The following PPP1R12B variants were observed in gnomAD, a reference collection of about 807,000 sequenced individuals.
The protein encoded by PPP1R12B is myosin phosphatase target subunit 2.
A neutral mutation model predicts 126.1 loss-of-function variants in PPP1R12B; 76 were observed. The observed-to-expected ratio is 0.60, with a 90% confidence interval of 0.50 to 0.73. The LOEUF (loss-of-function observed/expected upper bound fraction) is 0.73. Among genes scored for constraint, PPP1R12B ranks in the 30% least tolerant of loss-of-function variants. The probability of loss-of-function intolerance (pLI) is 0.00; values close to 1 mark genes in which losing one functional copy is unlikely to be tolerated. For missense variants in PPP1R12B, 1,052 were observed against 1,205.1 expected (o/e 0.87, Z 1.88); for synonymous variants, 356 against 434.7 (o/e 0.82, Z 2.25).
intron 13 of PPP1R12B, among the ~76,000 whole-genome samples, chr1:202,463,851 A>C (rs1437131462): frequency 6.6e-6 from 1 of 152,198 alleles, no homozygotes; most frequent in Non-Finnish European, 1.5e-5. Context: ...CTCTGAATTC[A>C]GCCTACCCAG....
intron 22 of PPP1R12B, among the ~76,000 whole-genome samples, chr1:202,568,111 G>A (rs896300113): frequency 3.3e-5 from 5 of 151,964 alleles, no homozygotes; most frequent in African/African-American, 1.2e-4. Context: ...TTCTGACTGT[G>A]GGCAGAACTG....
At chr1:202,570,625 A>G (rs1023599340) in intron 23 of PPP1R12B, among the ~76,000 whole-genome samples, 4 of 152,222 alleles carry the variant, frequency 2.6e-5, no homozygotes, top group Non-Finnish European at 4.4e-5. Context: ...ATTTTTTTCA[A>G]ACGCACCTTA....
chr1:202,504,706 G>A (rs1443491061), intron 18 of PPP1R12B, among the ~76,000 whole-genome samples: 1 of 152,050 alleles, frequency 6.6e-6, no homozygotes, highest in African/African-American at 2.4e-5. Context: ...ATACTGTTAT[G>A]ACAAATAATA....
chr1:202,507,260 T>A (rs1388986433), intron 18 of PPP1R12B, among the ~76,000 whole-genome samples: 1 of 152,236 alleles, frequency 6.6e-6, no homozygotes, highest in Non-Finnish European at 1.5e-5. Context: ...GGTAACTATA[T>A]GATGCATCCA....
At chr1:202,500,827 C>T (rs942911194) in intron 18 of PPP1R12B, among the ~76,000 whole-genome samples, 1 of 152,036 alleles carries the variant, frequency 6.6e-6, no homozygotes, top group Admixed American at 6.5e-5. Context: ...CACTTCATAC[C>T]ACATAAATAC....
chr1:202,406,793 C>T (rs1458186755), intron 1 of PPP1R12B, among the ~76,000 whole-genome samples: 2 of 152,094 alleles, frequency 1.3e-5, no homozygotes, highest in Admixed American at 6.6e-5. Flanking sequence ...CTTAGTGTGT[C>T]TCAGCTCTTA....
rs537960354 is a variant in PPP1R12B, at chr1:202,464,690, A to G, written c.1850+15519A>G. Among the ~76,000 whole-genome samples, 6 of 152,240 alleles carry G rather than the reference A, an allele frequency of 3.9e-5. No individual in the cohort carries two copies. The South Asian group carries it at 1.2e-3, about 32-fold the overall frequency. On this transcript the variant is annotated intron_variant, in intron 13 of 23. Transcript: ENST00000608999. Reference sequence around the variant, plus strand: ...CTCTTGTTCAGTTTCTTACTCAGCTAATTGGTGGAGTTAGGAGATCTATAG... The same window carrying G: ...CTCTTGTTCAGTTTCTTACTCAGCTGATTGGTGGAGTTAGGAGATCTATAG...
chr1:202,489,616 A>G (rs1243282000), intron 14 of PPP1R12B, among the ~76,000 whole-genome samples: 1 of 152,234 alleles, frequency 6.6e-6, no homozygotes, highest in Non-Finnish European at 1.5e-5. Context: ...AACACTCCAT[A>G]TATTATATGA....
chr1:202,429,205 T>C (rs1669913700), intron 6 of PPP1R12B, among the ~76,000 whole-genome samples: 1 of 152,224 alleles, frequency 6.6e-6, no homozygotes, highest in Non-Finnish European at 1.5e-5. Flanking sequence ...ACCCTTGAGT[T>C]CTAGAAAATG....
chr1:202,399,507 T>A (rs1006496309), intron 1 of PPP1R12B, among the ~76,000 whole-genome samples: 12 of 151,930 alleles, frequency 7.9e-5, no homozygotes, highest in Non-Finnish European at 1.3e-4. Context: ...GCACCTTTTT[T>A]TTTTTTTGAA....
At chr1:202,439,514 T>C (rs903827025) in intron 10 of PPP1R12B, 9 of 1,534,472 alleles carry the variant, frequency 5.9e-6, no homozygotes, top group Non-Finnish European at 8.0e-6. Flanking sequence ...TTGGGGCGAC[T>C]GCTGTTGCCT....
At chr1:202,445,069 AC>A in intron 12 of PPP1R12B, 1 of 1,247,094 alleles carries the variant, frequency 8.0e-7, no homozygotes, top group Non-Finnish European at 1.0e-6. Context: ...AGAAGTAGTG[AC>A]CCCACAAGTC....
At position 202,589,204 on chromosome 1, in the gene PPP1R12B, CAGAGA is replaced by C. The variant is rs1690015661; in HGVS notation, c.*8649_*8653del. 6.6e-6 allele frequency: 1 copy of C among 152,188 alleles called. No individual in the cohort carries two copies. The highest frequency in any genetic ancestry group is 2.4e-5 in the African/African-American group (1 of 41,436). The allele number at this position is 152,188 out of a possible 1,614,324, so 9.4% of individuals were successfully genotyped here. A position where few individuals can be genotyped will look rare whatever the true frequency, so the allele number is the denominator to read the frequency against. ...AAACTCAAAATGAAGGAGCCATGCC[CAGAGA>C]AGAGCTGTTCAGGCCCGCTGGCAGG... On this transcript the variant is annotated 3_prime_UTR_variant, in exon 24 of 24. Transcript: ENST00000608999.
In PPP1R12B at chr1:202,422,746, C is replaced by T. The variant is rs759518622; in HGVS notation, c.541+8C>T. On this transcript the variant is annotated splice_region_variant and intron_variant, in intron 3 of 23. Coordinates refer to ENST00000608999, the MANE Select transcript of PPP1R12B (RefSeq NM_002481.4). ...AGCAAGTAAAGAAGCAAGGTAACCT[C>T]ATGGATTGGAGGGGGCCAGGAAAGA... 1.9e-6 allele frequency: 3 copies of T among 1,613,372 alleles called. No homozygotes were observed. The highest frequency in any genetic ancestry group is 2.5e-6 in the Non-Finnish European group (3 of 1,179,656).
At chr1:202,505,322 A>G (rs1680688813) in intron 18 of PPP1R12B, among the ~76,000 whole-genome samples, 1 of 152,232 alleles carries the variant, frequency 6.6e-6, no homozygotes. Flanking sequence ...CTTCTTTGCC[A>G]GTGCTTCCAA....
At chr1:202,350,232 A>G (rs1558112593) in intron 1 of PPP1R12B, among the ~76,000 whole-genome samples, 1 of 152,116 alleles carries the variant, frequency 6.6e-6, no homozygotes, top group African/African-American at 2.4e-5. Flanking sequence ...CTTTCACCCT[A>G]TTTTGTACCC....
intron 18 of PPP1R12B, among the ~76,000 whole-genome samples, chr1:202,551,442 T>C (rs1686310743): frequency 6.6e-6 from 1 of 152,182 alleles, no homozygotes; most frequent in African/African-American, 2.4e-5. Flanking sequence ...ATTGCCCTGA[T>C]TCTGAATGTA....
chr1:202,438,071 T>C (rs773202429), intron 10 of PPP1R12B, 47 bp downstream of exon 10: 17 of 1,600,688 alleles, frequency 1.1e-5, no homozygotes, highest in Middle Eastern at 3.3e-4. Context: ...GTTTTTTTTT[T>C]CCATGAAAAT....
At chr1:202,564,944 G>A (rs1687921551) in intron 21 of PPP1R12B, among the ~76,000 whole-genome samples, 1 of 152,136 alleles carries the variant, frequency 6.6e-6, no homozygotes, top group Admixed American at 6.5e-5. Context: ...ATTAAACCTA[G>A]GGCAGAGAGA....
Sources: gnomAD v4.1 joint callset for allele counts (sites outside exome capture counted in the v4.1 genomes callset) on GRCh38, gnomAD v4.1.1 for gene constraint, MANE v1.5 for transcripts, NCBI Gene and HGNC (gene_info 2026-07-23, HGNC 2026-07-21) for gene names.